RAD52: variants seen among roughly 807,000 people sequenced by gnomAD.
RAD52 encodes DNA repair protein RAD52 homolog.
Under a neutral mutation model 55.5 loss-of-function variants are expected in RAD52, and 47 were observed. That is an observed-to-expected ratio of 0.85 (90% confidence interval 0.67 to 1.08). The LOEUF is 1.08. Ranked by LOEUF, RAD52 falls within the 50% of genes least tolerant of loss-of-function variation. The pLI is 0.00. For synonymous variants in RAD52, 184 were observed against 198.9 expected (o/e 0.92, Z 0.63); for missense variants, 468 against 522.8 (o/e 0.90, Z 1.02).
chr12:916,219 G>T (rs934791036), intron 9 of RAD52, 125 bp downstream of exon 9: 24 of 1,486,752 alleles, frequency 1.6e-5, no homozygotes, highest in African/African-American at 4.3e-5. Context: ...CGTGTAGCTT[G>T]AGAGAAGTCC....
intron 1 of RAD52, among the ~76,000 whole-genome samples, chr12:980,690 C>A (rs1007152709): frequency 1.3e-5 from 2 of 151,816 alleles, no homozygotes; most frequent in African/African-American, 4.8e-5. Flanking sequence ...CAACCGCCGC[C>A]TCCTGGGTTC....
At chr12:974,159 T>G (rs1958906372) in intron 1 of RAD52, 2 of 152,102 alleles carry the variant, frequency 1.3e-5, no homozygotes, top group South Asian at 2.1e-4. Context: ...AGAAGTTTAT[T>G]TTTGAACACA....
chr12:927,073 C>G, intron 6 of RAD52, 72 bp downstream of exon 6: 1 of 1,538,742 alleles, frequency 6.5e-7, no homozygotes, highest in East Asian at 2.3e-5. Context: ...TTACCTCTTC[C>G]AAAAAAAATC....
At chr12:982,811 T>C (rs1001393413) in intron 1 of RAD52, among the ~76,000 whole-genome samples, 39 of 112,038 alleles carry the variant, frequency 3.5e-4, no homozygotes, top group Non-Finnish European at 6.4e-4. Context: ...GCCCCTGCCC[T>C]GAGTAGCTAG....
intron 5 of RAD52, chr12:929,574 G>C (rs45554742): frequency 9.0e-5 from 64 of 714,388 alleles, no homozygotes; most frequent in Non-Finnish European, 1.1e-4. Context: ...TACATCCTTT[G>C]CAACAATTTT....
intron 1 of RAD52, among the ~76,000 whole-genome samples, chr12:981,358 C>T (rs1959012674): frequency 6.6e-6 from 1 of 151,554 alleles, no homozygotes; most frequent in Admixed American, 6.6e-5. Context: ...ACAACCACCA[C>T]CACAACAATA....
chr12:949,818 AAAGCCTTCTGCG>A (rs1255517712), upstream of RAD52: 2 of 151,568 alleles, frequency 1.3e-5, no homozygotes, highest in Non-Finnish European at 2.9e-5. Context: ...AAAGAGCCGC[AAAGCCTTCTGCG>A]GCAGCCGTAA....
chr12:961,956 T>C (rs556207992), intron 1 of RAD52, among the ~76,000 whole-genome samples: 3 of 152,278 alleles, frequency 2.0e-5, no homozygotes, highest in Non-Finnish European at 4.4e-5. Flanking sequence ...AGAAGCCATG[T>C]GAGAAGGTGG....
intron 1 of RAD52, among the ~76,000 whole-genome samples, chr12:967,198 GT>G (rs1958781931): frequency 6.6e-6 from 1 of 151,846 alleles, no homozygotes; most frequent in Non-Finnish European, 1.5e-5. Flanking sequence ...GGCCAACATG[GT>G]GAAACCCCGT....
intron 1 of RAD52, among the ~76,000 whole-genome samples, chr12:987,310 C>T (rs1350916038): frequency 1.3e-5 from 2 of 152,038 alleles, no homozygotes; most frequent in African/African-American, 4.8e-5. Context: ...CCTTTTTTTC[C>T]TCTTTGGAAA....
chr12:970,157 A>T (rs911526558), intron 1 of RAD52, among the ~76,000 whole-genome samples: 4 of 151,922 alleles, frequency 2.6e-5, no homozygotes, highest in Admixed American at 2.0e-4. Flanking sequence ...AAATACAAAA[A>T]TTAGCCGGGT....
At chr12:924,572 G>A (rs1012668962) in intron 7 of RAD52, among the ~76,000 whole-genome samples, 3 of 152,126 alleles carry the variant, frequency 2.0e-5, no homozygotes, top group African/African-American at 4.8e-5. Flanking sequence ...CCTGGGGAGC[G>A]ACATGGCAGG....
At chr12:991,081 C>T (rs1353663837), upstream of RAD52, 1 of 151,614 alleles carries the variant, frequency 6.6e-6, no homozygotes, top group African/African-American at 2.4e-5. Context: ...CCGGAGGCCC[C>T]CGGGCCGCCG....
intron 1 of RAD52, among the ~76,000 whole-genome samples, chr12:967,477 G>C (rs975254959): frequency 4.0e-5 from 6 of 151,856 alleles, no homozygotes; most frequent in Non-Finnish European, 7.4e-5. Flanking sequence ...TCACTAGGTG[G>C]CTAGTGGGTA....
rs867798010 is a variant in RAD52, at chr12:925,302, T to C, written c.543+148A>G. On this transcript the variant is annotated intron_variant, in intron 7 of 11. Coordinates refer to ENST00000358495, the MANE Select transcript of RAD52 (RefSeq NM_134424.4). ...AATGTTGGGATTAGTTCCTGCTGTC[T>C]CTAACATTCGAAATCTGAAATCAAC... 4 of 704,042 alleles carry C rather than the reference T, an allele frequency of 5.7e-6. No homozygotes were observed. In the Middle Eastern group the frequency reaches 9.8e-4, roughly 173 times the overall value. 43.6% of individuals were successfully genotyped at this position (704,042 alleles called of 1,614,324 possible).
rs60547688 is a variant in RAD52, at chr12:961,309, C to CAAAAAAAA, written c.-18-28241_-18-28234dup. 7.1e-4 allele frequency among the ~76,000 whole-genome samples: 24 copies of CAAAAAAAA among 33,802 alleles called. 2 individuals carry two copies. Among genetic ancestry groups the CAAAAAAAA allele is most frequent in the East Asian group, 1.9e-3 (2 of 1,046 alleles). 22.2% of individuals were successfully genotyped at this position (33,802 alleles called of 152,430 possible). ...TGGGTGACAGAGTGAGACTCCATCT[C>CAAAAAAAA]AAAAAAAAAAAAAAAAAAAAAAAGG... On this transcript the variant is annotated intron_variant, in intron 1 of 11. Transcript: ENST00000430095.
At position 932,926 on chromosome 12, in the gene RAD52, T is replaced by C. The variant is rs201921800; in HGVS notation, c.84+49A>G. Reference sequence around the variant, plus strand: ...GCTCTACAAACTGCCTTGCCCTAACTTTACTCACTTCACCTCATTCTTTCC... The same window carrying C: ...GCTCTACAAACTGCCTTGCCCTAACCTTACTCACTTCACCTCATTCTTTCC... On this transcript the variant is annotated intron_variant, in intron 2 of 11. Coordinates refer to ENST00000358495, the MANE Select transcript of RAD52 (RefSeq NM_134424.4). 5 of 1,579,234 alleles carry C rather than the reference T, an allele frequency of 3.2e-6. No homozygotes were observed. The African/African-American group carries it at 6.7e-5, about 21-fold the overall frequency.
upstream of RAD52, among the ~76,000 whole-genome samples, chr12:950,375 G>T (rs1958494495): frequency 6.6e-6 from 1 of 151,948 alleles, no homozygotes; most frequent in Admixed American, 6.6e-5. Flanking sequence ...TTCGAGACCA[G>T]CCTGGGCAAC....
chr12:916,208 G>T, intron 9 of RAD52, 136 bp downstream of exon 9: 1 of 1,465,596 alleles, frequency 6.8e-7, no homozygotes, highest in Non-Finnish European at 8.9e-7. Flanking sequence ...CATCTCTCCT[G>T]CGTGTAGCTT....
Sources: gnomAD v4.1 joint callset for allele counts (sites outside exome capture counted in the v4.1 genomes callset) on GRCh38, gnomAD v4.1.1 for gene constraint, MANE v1.5 for transcripts, NCBI Gene and HGNC (gene_info 2026-07-23, HGNC 2026-07-21) for gene names.